Variants in PTPRS observed in about 807,000 individuals in gnomAD.
PTPRS encodes the protein protein tyrosine phosphatase receptor type S, also known as receptor-type tyrosine-protein phosphatase S.
PTPRS carries 63 observed loss-of-function variants against 215.3 expected under a neutral mutation model. That is an observed-to-expected ratio of 0.29 (90% confidence interval 0.24 to 0.36). The LOEUF (loss-of-function observed/expected upper bound fraction) is 0.36. Ranked by LOEUF, PTPRS falls within the 10% of genes least tolerant of loss-of-function variation. PTPRS has a pLI of 1.00. For missense variants in PTPRS, 2,258 were observed against 2,825.8 expected, an observed-to-expected ratio of 0.80 and a Z score of 4.56; for synonymous variants, 1,404 against 1,191.4, an observed-to-expected ratio of 1.18 and a Z score of -3.68.
At position 5,240,170 on chromosome 19, in the gene PTPRS, C is replaced by G. The variant is rs573548236; in HGVS notation, c.1704+29G>C. The G allele has an allele frequency of 3.3e-5, 49 of 1,496,062 alleles. No individual in the cohort carries two copies. In the African/African-American group the frequency reaches 6.7e-4, roughly 21 times the overall value. 92.7% of individuals were successfully genotyped at this position (1,496,062 alleles called of 1,614,324 possible). A position where few individuals can be genotyped will look rare whatever the true frequency, so the allele number is the denominator to read the frequency against. On this transcript the variant is annotated intron_variant, in intron 12 of 37. Transcript: ENST00000262963. ...GAGAGCGCCGGGGAGGAGCCCAGGG[C>G]AGGCCAGCCCGTCCCCGCGCTGCCT...
intron 2 of PTPRS, chr19:5,277,865 G>T: frequency 1.1e-6 from 1 of 911,418 alleles, no homozygotes; most frequent in East Asian, 2.5e-5. Flanking sequence ...ATTGACAACA[G>T]GGTTCGCAGA....
intron 1 of PTPRS, among the ~76,000 whole-genome samples, chr19:5,300,735 T>C (rs1251204063): frequency 1.6e-5 from 2 of 126,712 alleles, no homozygotes; most frequent in African/African-American, 6.2e-5. Flanking sequence ...GCCACTGCAC[T>C]CCAGCCTGGG....
chr19:5,234,678 C>T (rs1028157295), intron 13 of PTPRS, among the ~76,000 whole-genome samples: 5 of 151,932 alleles, frequency 3.3e-5, no homozygotes, highest in African/African-American at 1.2e-4. Context: ...TAAACCCCTA[C>T]TGCGTGCCAG....
intron 30 of PTPRS, 49 bp downstream of exon 30, chr19:5,214,308 CCCTT>C (rs1568374911): frequency 3.7e-6 from 6 of 1,612,210 alleles, no homozygotes; most frequent in Non-Finnish European, 5.1e-6. Context: ...CCCTCTGCCT[CCCTT>C]CCAACACATT....
intron 1 of PTPRS, among the ~76,000 whole-genome samples, chr19:5,319,685 C>T (rs558956066): frequency 2.6e-4 from 39 of 152,156 alleles, no homozygotes; most frequent in South Asian, 6.2e-4. Flanking sequence ...CAGGCCTCCT[C>T]GCTGTTCCTC....
At chr19:5,248,943 T>C (rs2044752807) in intron 9 of PTPRS, among the ~76,000 whole-genome samples, 1 of 152,248 alleles carries the variant, frequency 6.6e-6, no homozygotes, top group African/African-American at 2.4e-5. Flanking sequence ...CTGGTGAAGT[T>C]ACCTTTCAGC....
In PTPRS at chr19:5,294,532, A is replaced by G. The variant is rs2049067817; in HGVS notation, c.-94-8298T>C. The G allele has an allele frequency of 1.3e-5, 2 of 152,188 alleles. No individual in the cohort carries two copies. The highest frequency in any genetic ancestry group is 2.9e-5 in the Non-Finnish European group (2 of 68,046). The allele number at this position is 152,188 out of a possible 1,614,324, so 9.4% of individuals were successfully genotyped here. Reference sequence around the variant, plus strand: ...AGTGGGGCAAAGGACGTGGGCTTTGATGGGAGACACACAGGCGGCTGTGAG... The same window carrying G: ...AGTGGGGCAAAGGACGTGGGCTTTGGTGGGAGACACACAGGCGGCTGTGAG... On this transcript the variant is annotated intron_variant, in intron 1 of 37. Transcript: ENST00000262963. This position sits in a 1 kb window ranked among gnomAD's most constrained non-coding sequence, Gnocchi z 5.1.
At chr19:5,273,191 A>G in intron 4 of PTPRS, 1 of 536,710 alleles carries the variant, frequency 1.9e-6, no homozygotes, top group Non-Finnish European at 3.3e-6. Context: ...TGTCATCAGA[A>G]GCACATGATG....
rs1203123701 is a variant in PTPRS, at chr19:5,339,773, C to G, written c.-95+891G>C. Among the ~76,000 whole-genome samples, 2 of 151,732 alleles carry G rather than the reference C, an allele frequency of 1.3e-5. No individual in the cohort carries two copies. Among genetic ancestry groups the G allele is most frequent in the Non-Finnish European group, 2.9e-5 (2 of 67,842 alleles). On this transcript the variant is annotated intron_variant, in intron 1 of 37. Transcript: ENST00000262963. This position sits in a 1 kb window ranked among gnomAD's most constrained non-coding sequence, Gnocchi z 4.2. ...GTCACCTCCCCTCCCCCCGCAGCCC[C>G]CGGGGGCTCCCGGGGCGTGCGGAAC...
intron 11 of PTPRS, among the ~76,000 whole-genome samples, chr19:5,243,123 CTCT>C (rs200039473): frequency 0.013 from 2,020 of 150,876 alleles, 13 homozygotes; most frequent in Middle Eastern, 0.028. Context: ...CTGGCTAGCT[CTCT>C]TTTTTTTTTT....
Position 5,339,919 on chromosome 19 carries a change from TG to T in PTPRS, c.-95+744del, listed in dbSNP as rs1375307517. On this transcript the variant is annotated intron_variant, in intron 1 of 37. Transcript: ENST00000262963. The surrounding 1 kb of genome is among the most constrained non-coding windows in gnomAD (Gnocchi z 4.2). ...GTCTGCCTGCCAGAGCCCCTGGGGC[TG>T]GGGGCTGAGGCTCGCCCCTGGGTGG... Among the ~76,000 whole-genome samples the T allele has an allele frequency of 6.6e-6, 1 of 151,504 alleles. No homozygotes were observed. The highest frequency in any genetic ancestry group is 2.4e-5 in the African/African-American group (1 of 41,304).
chr19:5,307,410 A>G (rs1347858767), intron 1 of PTPRS, among the ~76,000 whole-genome samples: 4 of 145,944 alleles, frequency 2.7e-5, no homozygotes, highest in Non-Finnish European at 3.1e-5. Context: ...GTGTTATGAG[A>G]TCAGTATCTC....
chr19:5,223,055 G>C lies in PTPRS; in HGVS notation c.2737C>G (p.Leu913Val), dbSNP rs1354306749. 1 of 1,550,326 alleles carries C rather than the reference G, an allele frequency of 6.5e-7. No homozygotes were observed. Among genetic ancestry groups the C allele is most frequent in the African/African-American group, 1.4e-5 (1 of 73,012 alleles). The change falls in exon 18 of 38, where the codon CTG becomes GTG. Residue 913 changes from leucine (L) to valine (V), a missense_variant. Coordinates refer to ENST00000262963, the MANE Select transcript of PTPRS (RefSeq NM_002850.4). ...AGGACCTCGGCTGCCTCCTCGCCCA[G>C]GCCGCCGCGGCTCCGGGCCGCAAGC... ...FRLAARSRGG[L>V]GEEAAEVLSI...
intron 1 of PTPRS, among the ~76,000 whole-genome samples, chr19:5,331,270 G>A (rs1179348348): frequency 2.0e-5 from 3 of 151,466 alleles, no homozygotes; most frequent in Non-Finnish European, 2.9e-5. Context: ...AGCTGGGACC[G>A]TACGTGTGCA....
At chr19:5,307,227 G>A (rs190953773) in intron 1 of PTPRS, among the ~76,000 whole-genome samples, 46 of 152,320 alleles carry the variant, frequency 3.0e-4, no homozygotes, top group African/African-American at 9.9e-4. Context: ...AGAATTGCTT[G>A]AACTCAGGAG....
intron 9 of PTPRS, among the ~76,000 whole-genome samples, chr19:5,254,839 T>C (rs899239757): frequency 6.6e-6 from 1 of 152,200 alleles, no homozygotes; most frequent in Non-Finnish European, 1.5e-5. Context: ...CTACATTTCC[T>C]AATGGGCACT....
intron 23 of PTPRS, 24 bp from the exon 24 acceptor site, chr19:5,218,822 T>A: frequency 1.3e-6 from 2 of 1,588,404 alleles, no homozygotes; most frequent in Non-Finnish European, 1.7e-6. Context: ...CAGACACAGG[T>A]GAGAAGGGGG....
intron 2 of PTPRS, among the ~76,000 whole-genome samples, chr19:5,285,501 T>C (rs181497615): frequency 4.9e-4 from 74 of 152,326 alleles, no homozygotes; most frequent in African/African-American, 1.7e-3. Flanking sequence ...CGAACTCCTA[T>C]ACACCCACAA....
intron 1 of PTPRS, among the ~76,000 whole-genome samples, chr19:5,312,978 G>A (rs1016200839): frequency 2.6e-5 from 4 of 152,170 alleles, no homozygotes; most frequent in African/African-American, 7.2e-5. Context: ...GCAGAGGCAC[G>A]ATCTCGGCTG....
Sources: allele counts gnomAD v4.1 joint callset (sites outside exome capture counted in the v4.1 genomes callset), GRCh38; gene constraint gnomAD v4.1.1; non-coding constraint Gnocchi (gnomAD v3.1); transcripts MANE v1.5; gene names NCBI Gene and HGNC (gene_info 2026-07-23, HGNC 2026-07-21).